PITPNC1: variants seen among roughly 807,000 people sequenced by gnomAD.
The protein encoded by PITPNC1 is cytoplasmic phosphatidylinositol transfer protein 1.
PITPNC1 carries 18 observed loss-of-function variants against 44.7 expected under a neutral mutation model. The observed-to-expected ratio is 0.40, with a 90% CI of 0.28 to 0.60. The LOEUF is 0.60. Ranked by LOEUF, PITPNC1 falls within the 20% of genes least tolerant of loss-of-function variation. The probability of loss-of-function intolerance (pLI) is 0.39; values close to 1 mark genes in which losing one functional copy is unlikely to be tolerated. For missense variants in PITPNC1, 290 were observed against 418.4 expected (o/e 0.69, Z 2.68); for synonymous variants, 141 against 149.6 (o/e 0.94, Z 0.42).
At chr17:67,507,349 C>A (rs140299162) in intron 1 of PITPNC1, among the ~76,000 whole-genome samples, 1 of 151,928 alleles carries the variant, frequency 6.6e-6, no homozygotes, top group Non-Finnish European at 1.5e-5. Flanking sequence ...TTGCTGTGTA[C>A]GTTGGAGAAA....
At chr17:67,623,520 G>A (rs957579715) in intron 5 of PITPNC1, among the ~76,000 whole-genome samples, 4 of 152,134 alleles carry the variant, frequency 2.6e-5, no homozygotes, top group Admixed American at 1.3e-4. Context: ...GAGCAGCTGG[G>A]ACTACAGGCA....
At chr17:67,614,295 T>C (rs149201517) in intron 5 of PITPNC1, among the ~76,000 whole-genome samples, 24 of 152,142 alleles carry the variant, frequency 1.6e-4, no homozygotes, top group African/African-American at 5.1e-4. Context: ...ACAGATGAGA[T>C]TCCAGAATAA....
At chr17:67,594,882 A>C (rs765245762) in intron 5 of PITPNC1, among the ~76,000 whole-genome samples, 2 of 152,246 alleles carry the variant, frequency 1.3e-5, no homozygotes, top group Non-Finnish European at 2.9e-5. Context: ...TGAGGATTAA[A>C]TGTGTTAAGC....
chr17:67,460,289 T>G lies in PITPNC1; in HGVS notation c.49-72513T>G, dbSNP rs550472177. Among the ~76,000 whole-genome samples the G allele has an allele frequency of 2.9e-3, 438 of 152,318 alleles. 7 individuals are homozygous for G. The highest frequency in any genetic ancestry group is 4.0e-3 in the Non-Finnish European group (271 of 68,018). On this transcript the variant is annotated intron_variant, in intron 1 of 8. Transcript: ENST00000581322. ...CAGGGTGTTCTCCCAGCGCGGGCAC[T>G]CACTCCGCTGCAGGGTTTAGCCTTC... is the stretch of plus-strand genomic sequence containing the variant.
chr17:67,570,616 C>T (rs2041041087), intron 4 of PITPNC1, among the ~76,000 whole-genome samples: 1 of 152,204 alleles, frequency 6.6e-6, no homozygotes, highest in Non-Finnish European at 1.5e-5. Flanking sequence ...CATTCGTTAT[C>T]TCTTTTCATT....
chr17:67,598,199 G>A (rs988294816), intron 5 of PITPNC1, among the ~76,000 whole-genome samples: 2 of 152,096 alleles, frequency 1.3e-5, no homozygotes, highest in African/African-American at 4.8e-5. Flanking sequence ...TCCAGCCTGA[G>A]AGTGATCTCC....
At chr17:67,525,985 A>C (rs542359070) in intron 1 of PITPNC1, among the ~76,000 whole-genome samples, 1 of 152,348 alleles carries the variant, frequency 6.6e-6, no homozygotes, top group South Asian at 2.1e-4. Flanking sequence ...GGTAAAGGCC[A>C]AAGTAAATAT....
At chr17:67,532,977 A>G in intron 2 of PITPNC1, 27 bp downstream of exon 2, 2 of 1,586,944 alleles carry the variant, frequency 1.3e-6, no homozygotes, top group Middle Eastern at 2.2e-4. Flanking sequence ...TGCGTTCTGC[A>G]CAGAAGCCCC....
At chr17:67,645,224 C>G (rs373926993) in intron 6 of PITPNC1, among the ~76,000 whole-genome samples, 1 of 151,940 alleles carries the variant, frequency 6.6e-6, no homozygotes, top group African/African-American at 2.4e-5. Context: ...ACCTATAATC[C>G]CAGCTACTCG....
chr17:67,393,666 T>TA (rs2038172118), intron 1 of PITPNC1, among the ~76,000 whole-genome samples: 2 of 152,196 alleles, frequency 1.3e-5, no homozygotes. Flanking sequence ...CAGAAATACT[T>TA]ACTAAAGCAG....
intron 1 of PITPNC1, among the ~76,000 whole-genome samples, chr17:67,495,052 GTTTTTTTTTTT>G (rs1243868487): frequency 4.9e-4 from 19 of 38,588 alleles, no homozygotes; most frequent in East Asian, 2.3e-3. Flanking sequence ...TTTTTTTTTT[GTTTTTTTTTTT>G]TTTTTTTTTT....
At chr17:67,461,428 C>T (rs575849397) in intron 1 of PITPNC1, among the ~76,000 whole-genome samples, 6 of 152,324 alleles carry the variant, frequency 3.9e-5, no homozygotes, top group Non-Finnish European at 8.8e-5. Flanking sequence ...CCTATGGGAA[C>T]TCATGCAGCA....
At chr17:67,429,435 C>T (rs966912423) in intron 1 of PITPNC1, among the ~76,000 whole-genome samples, 11 of 151,220 alleles carry the variant, frequency 7.3e-5, no homozygotes, top group Admixed American at 2.0e-4. Context: ...CGCAGTGGCT[C>T]ATACCCGTAA....
intron 5 of PITPNC1, among the ~76,000 whole-genome samples, chr17:67,614,260 C>T (rs150494711): frequency 2.0e-4 from 30 of 151,914 alleles, no homozygotes; most frequent in Middle Eastern, 3.4e-3. Context: ...CAGTGAGGGA[C>T]GAACTGACAC....
At chr17:67,603,731 AC>A (rs1405823878) in intron 5 of PITPNC1, among the ~76,000 whole-genome samples, 1 of 152,130 alleles carries the variant, frequency 6.6e-6, no homozygotes, top group Non-Finnish European at 1.5e-5. Flanking sequence ...GGAGTTTGAG[AC>A]CAGCCTGGCC....
chr17:67,416,113 T>TA (rs2038584226), intron 1 of PITPNC1, among the ~76,000 whole-genome samples: 1 of 151,874 alleles, frequency 6.6e-6, no homozygotes, highest in South Asian at 2.1e-4. Flanking sequence ...CCCAGGTACT[T>TA]ACTGAAAAAT....
rs548922183 is a variant in PITPNC1, at chr17:67,592,660, A to G, written c.366+14403A>G. 5.9e-5 allele frequency among the ~76,000 whole-genome samples: 9 copies of G among 152,402 alleles called. No individual in the cohort carries two copies. The South Asian group carries it at 1.9e-3, about 32-fold the overall frequency. On this transcript the variant is annotated intron_variant, in intron 5 of 8. Coordinates refer to ENST00000581322, the MANE Select transcript of PITPNC1 (RefSeq NM_012417.4). ...TGATCATGTGAATTTGATACATAAT[A>G]GATAATGTGTCTCCAATCAGTGGGA...
chr17:67,530,085 CTT>C (rs796278390), intron 1 of PITPNC1, among the ~76,000 whole-genome samples: 2 of 71,250 alleles, frequency 2.8e-5, no homozygotes, highest in Non-Finnish European at 2.6e-5. Flanking sequence ...CAACCCTTGG[CTT>C]TTTTTTTTTT....
chr17:67,518,660 C>CA (rs1466652671), intron 1 of PITPNC1, among the ~76,000 whole-genome samples: 2 of 152,024 alleles, frequency 1.3e-5, no homozygotes, highest in Admixed American at 6.6e-5. Flanking sequence ...AACAAACAAA[C>CA]AAAAAAAGGA....
Sources: allele counts gnomAD v4.1 joint callset (sites outside exome capture counted in the v4.1 genomes callset), GRCh38; gene constraint gnomAD v4.1.1; transcripts MANE v1.5; gene names NCBI Gene and HGNC (gene_info 2026-07-23, HGNC 2026-07-21).